Variants in BRWD1 observed in about 807,000 individuals in gnomAD.
The protein encoded by BRWD1 is bromodomain and WD repeat domain containing 1.
BRWD1 carries 82 observed loss-of-function variants against 251.2 expected under a neutral mutation model. The observed-to-expected ratio is 0.33, with a 90% CI of 0.27 to 0.39. BRWD1 has a LOEUF of 0.39. Ranked by LOEUF, BRWD1 falls within the 10% of genes least tolerant of loss-of-function variation. The probability of loss-of-function intolerance (pLI) is 1.00; values close to 1 mark genes in which losing one functional copy is unlikely to be tolerated. For synonymous variants in BRWD1, 918 were observed against 902.8 expected, an observed-to-expected ratio of 1.02 and a Z score of -0.30; for missense variants, 2,233 against 2,711.6, an observed-to-expected ratio of 0.82 and a Z score of 3.92.
chr21:39,305,602 C>T (rs1362728658), intron 4 of BRWD1, among the ~76,000 whole-genome samples: 5 of 152,062 alleles, frequency 3.3e-5, no homozygotes, highest in African/African-American at 4.8e-5. Context: ...CAGTGGCTCA[C>T]ACCTGTAATT....
At chr21:39,252,822 TTA>T (rs2034439853) in intron 19 of BRWD1, among the ~76,000 whole-genome samples, 1 of 152,222 alleles carries the variant, frequency 6.6e-6, no homozygotes, top group South Asian at 2.1e-4. Context: ...GGTCAATGAG[TTA>T]TAAGCAGAAA....
intron 17 of BRWD1, among the ~76,000 whole-genome samples, chr21:39,262,342 A>G (rs1354847364): frequency 6.6e-6 from 1 of 152,248 alleles, no homozygotes; most frequent in Non-Finnish European, 1.5e-5. Flanking sequence ...GTGAATAAAC[A>G]GGAACAAACT....
intron 38 of BRWD1, among the ~76,000 whole-genome samples, chr21:39,201,354 T>A (rs943062657): frequency 6.6e-6 from 1 of 152,184 alleles, no homozygotes; most frequent in East Asian, 1.9e-4. Context: ...CCTCTGCACA[T>A]CACTGCCAAA....
chr21:39,301,934 T>TACTGA (rs1445204900), intron 4 of BRWD1, among the ~76,000 whole-genome samples: 1 of 147,596 alleles, frequency 6.8e-6, no homozygotes, highest in Non-Finnish European at 1.5e-5. Context: ...ATTCCATAGC[T>TACTGA]ACTGAAGTCA....
chr21:39,255,662 T>A lies in BRWD1; in HGVS notation c.2238A>T (p.Val746=), dbSNP rs1307513307. The part of the protein sequence containing the change: ...AWKRRVVVPE[V]PLGIFRKLED... ...AAACAAACCTAAATATGCCTAGTGGTACCTCTGGTACAACCACTCTTCGTT... is the reference window on the plus strand; with the variant it reads ...AAACAAACCTAAATATGCCTAGTGGAACCTCTGGTACAACCACTCTTCGTT... The change falls in exon 19 of 41, where the codon GTA becomes GTT. Residue 746 remains valine (V), a synonymous_variant. Transcript: ENST00000342449. 1.8e-5 allele frequency: 29 copies of A among 1,614,000 alleles called. No individual in the cohort carries two copies. Among genetic ancestry groups the A allele is most frequent in the Non-Finnish European group, 2.2e-5 (26 of 1,179,966 alleles).
At chr21:39,261,530 A>C (rs902555793) in intron 17 of BRWD1, among the ~76,000 whole-genome samples, 1 of 152,152 alleles carries the variant, frequency 6.6e-6, no homozygotes, top group African/African-American at 2.4e-5. Context: ...ATTTCTACCC[A>C]CCCATGATCC....
chr21:39,191,444 T>C lies in BRWD1; in HGVS notation c.*4815A>G. On this transcript the variant is annotated 3_prime_UTR_variant, in exon 41 of 41. Transcript: ENST00000342449. Reference sequence around the variant, plus strand: ...CTTTTGCTTGTTAAGATGAAAATGCTAAATTTATTATATCCCATTTAAGAA... The same window carrying C: ...CTTTTGCTTGTTAAGATGAAAATGCCAAATTTATTATATCCCATTTAAGAA... 1 of 983,628 alleles carries C rather than the reference T, an allele frequency of 1.0e-6. No homozygotes were observed. Among genetic ancestry groups the C allele is most frequent in the Non-Finnish European group, 1.2e-6 (1 of 828,314 alleles). 60.9% of individuals were successfully genotyped at this position (983,628 alleles called of 1,614,324 possible).
chr21:39,216,518 G>T (rs1385972748), intron 31 of BRWD1: 1 of 158,864 alleles, frequency 6.3e-6, no homozygotes, highest in Non-Finnish European at 1.4e-5. Context: ...GTGAGAGCCT[G>T]TGCTTAAATA....
chr21:39,203,434 G>GTTTC (rs2032210759), intron 37 of BRWD1, among the ~76,000 whole-genome samples: 1 of 64,296 alleles, frequency 1.6e-5, no homozygotes. Flanking sequence ...GCAAGACCCT[G>GTTTC]GTTCTTTTTT....
In BRWD1 at chr21:39,298,622, T is replaced by C. The variant is rs142781843; in HGVS notation, c.199-40A>G. 1.2e-5 allele frequency: 18 copies of C among 1,476,760 alleles called. 1 individual carries two copies. The African/African-American group carries it at 2.3e-4, about 19-fold the overall frequency. 91.5% of individuals were successfully genotyped at this position (1,476,760 alleles called of 1,614,324 possible). A position where few individuals can be genotyped will look rare whatever the true frequency, so the allele number is the denominator to read the frequency against. ...AGTTTTAATGACAACAGCTTAATAATATCAAAAACTATTAAATACTTAGGG... is the reference window on the plus strand; with the variant it reads ...AGTTTTAATGACAACAGCTTAATAACATCAAAAACTATTAAATACTTAGGG... On this transcript the variant is annotated intron_variant, in intron 4 of 40. Transcript: ENST00000342449.
upstream of BRWD1, chr21:39,314,336 T>G: frequency 8.8e-6 from 4 of 455,700 alleles, no homozygotes; most frequent in Non-Finnish European, 1.8e-5. Context: ...TTACATAAAA[T>G]GCAGCGCTTC....
rs372668886 is a variant in BRWD1 at position 39,294,035 on chromosome 21, A to C, written c.610-3T>G. ...TTTACCAAACAGTCATCTGAACCCTAAGAAAAAATATATCCAAAAATTAAT... is the reference window on the plus strand; with the variant it reads ...TTTACCAAACAGTCATCTGAACCCTCAGAAAAAATATATCCAAAAATTAAT... On this transcript the variant is annotated splice_polypyrimidine_tract_variant and splice_region_variant and intron_variant, in intron 7 of 40. Coordinates refer to ENST00000342449, the MANE Select transcript of BRWD1 (RefSeq NM_033656.4). 3 of 1,609,232 alleles carry C rather than the reference A, an allele frequency of 1.9e-6. No individual in the cohort carries two copies. The highest frequency in any genetic ancestry group is 2.5e-6 in the Non-Finnish European group (3 of 1,176,812).
intron 19 of BRWD1, among the ~76,000 whole-genome samples, chr21:39,252,724 A>G (rs1443432769): frequency 6.6e-6 from 1 of 152,084 alleles, no homozygotes; most frequent in East Asian, 1.9e-4. Flanking sequence ...CACAATACCA[A>G]TTTTTATCCA....
At position 39,194,080 on chromosome 21, in the gene BRWD1, T is replaced by C. The variant is rs2031689713; in HGVS notation, c.*2179A>G. The C allele has an allele frequency of 4.1e-6, 4 of 985,460 alleles. No homozygotes were observed. Among genetic ancestry groups the C allele is most frequent in the South Asian group, 4.7e-5 (1 of 21,286 alleles). 61.0% of individuals were successfully genotyped at this position (985,460 alleles called of 1,614,324 possible). ...TGATTAAAAACCAAAATACCACTTCTGTATGCAAGGGTCTAACTATTTTGG... is the reference window on the plus strand; with the variant it reads ...TGATTAAAAACCAAAATACCACTTCCGTATGCAAGGGTCTAACTATTTTGG... On this transcript the variant is annotated 3_prime_UTR_variant, in exon 41 of 41. Coordinates refer to ENST00000342449, the MANE Select transcript of BRWD1 (RefSeq NM_033656.4).
intron 7 of BRWD1, among the ~76,000 whole-genome samples, chr21:39,295,160 G>A (rs1465677118): frequency 1.4e-5 from 2 of 138,212 alleles, no homozygotes; most frequent in African/African-American, 5.3e-5. Context: ...GAGGGAAAGT[G>A]TTAGGTATGT....
In BRWD1 at chr21:39,186,710, T is replaced by G; in HGVS notation, c.*9549A>C. ...TTCTTCCTAGCCTGTACACTTCCCA[T>G]TATATTCTTCCTCTAAGGAATCATG... On this transcript the variant is annotated 3_prime_UTR_variant, in exon 41 of 41. Transcript: ENST00000342449. The G allele has an allele frequency of 5.0e-6, 1 of 201,540 alleles. No individual in the cohort carries two copies. Among genetic ancestry groups the G allele is most frequent in the Non-Finnish European group, 9.8e-6 (1 of 101,548 alleles). 12.5% of individuals were successfully genotyped at this position (201,540 alleles called of 1,614,324 possible).
Position 39,278,922 on chromosome 21 carries a change from A to G in BRWD1, c.933-109T>C, listed in dbSNP as rs1365469980. 41 of 896,346 alleles carry G rather than the reference A, an allele frequency of 4.6e-5. No homozygotes were observed. In the South Asian group the frequency reaches 1.0e-3, roughly 23 times the overall value. 55.5% of individuals were successfully genotyped at this position (896,346 alleles called of 1,614,324 possible). A position where few individuals can be genotyped will look rare whatever the true frequency, so the allele number is the denominator to read the frequency against. On this transcript the variant is annotated intron_variant, in intron 9 of 40. Coordinates refer to ENST00000342449, the MANE Select transcript of BRWD1 (RefSeq NM_033656.4). The stretch of plus-strand genomic sequence containing the variant: ...TTTAAATATTATAATTTTTTAAGAG[A>G]CAGGGTCTCGCCATGTTGCCCACAC...
chr21:39,312,751 C>A, intron 4 of BRWD1, 90 bp downstream of exon 4: 4 of 1,059,770 alleles, frequency 3.8e-6, no homozygotes, highest in South Asian at 1.4e-5. Flanking sequence ...ACACTTTGCA[C>A]CCCACGGGCC....
At position 39,320,282 on chromosome 21, in the gene BRWD1, C is replaced by A. The variant is rs533962663; in HGVS notation, n.534+744G>T. 1.5e-3 allele frequency among the ~76,000 whole-genome samples: 232 copies of A among 152,286 alleles called. 1 individual carries two copies. Among genetic ancestry groups the A allele is most frequent in the Non-Finnish European group, 3.1e-3 (208 of 68,020 alleles). On this transcript the variant is annotated intron_variant and non_coding_transcript_variant, in intron 1 of 4. Coordinates refer to the BRWD1 transcript ENST00000470108. ...GAGACCCTCTCTTTGCACATAGAGA[C>A]CCTCTCTGGGCTTTAAGACCACTGC...
Sources: gnomAD v4.1 joint callset for allele counts (sites outside exome capture counted in the v4.1 genomes callset) on GRCh38, gnomAD v4.1.1 for gene constraint, MANE v1.5 for transcripts, NCBI Gene and HGNC (gene_info 2026-07-23, HGNC 2026-07-21) for gene names.